The following SP100 variants were observed in gnomAD, a reference collection of about 807,000 sequenced individuals.
SP100 encodes the protein nuclear autoantigen Sp-100.
A neutral mutation model predicts 130.0 loss-of-function variants in SP100; 84 were observed. The ratio of observed to expected loss-of-function variants is 0.65; its 90% CI spans 0.54 to 0.77. The LOEUF is 0.77. SP100 is among the 30% of genes least tolerant of loss of function. The pLI is 0.00. For missense variants in SP100, 978 were observed against 1,052.2 expected, an observed-to-expected ratio of 0.93 and a Z score of 0.97; for synonymous variants, 331 against 351.7, an observed-to-expected ratio of 0.94 and a Z score of 0.66.
chr2:230,427,286 C>T (rs753361926), intron 2 of SP100, among the ~76,000 whole-genome samples: 18 of 151,938 alleles, frequency 1.2e-4, no homozygotes, highest in Non-Finnish European at 2.4e-4. Flanking sequence ...CTCAGCCTCC[C>T]GAGTAGCTGG....
intron 24 of SP100, among the ~76,000 whole-genome samples, chr2:230,513,136 G>A (rs918478173): frequency 5.9e-5 from 9 of 152,208 alleles, no homozygotes; most frequent in Admixed American, 2.6e-4. Context: ...CCTTATCCCG[G>A]AAGTTGGAAA....
intron 24 of SP100, among the ~76,000 whole-genome samples, chr2:230,517,850 TA>T (rs2150092723): frequency 6.6e-6 from 1 of 152,292 alleles, no homozygotes; most frequent in African/African-American, 2.4e-5. Flanking sequence ...AGCAATATTT[TA>T]AGCAAACTTT....
At chr2:230,445,251 C>G (rs56372741) in intron 4 of SP100, among the ~76,000 whole-genome samples, 24,665 of 152,058 alleles carry the variant, frequency 0.16, 2,110 homozygotes, top group Non-Finnish European at 0.19. Context: ...TTTATTCCCA[C>G]ACAGTTTAAT....
At position 230,470,001 on chromosome 2, in the gene SP100, A is replaced by T; in HGVS notation, c.1346-14A>T. The T allele has an allele frequency of 6.2e-7, 1 of 1,608,144 alleles. No individual in the cohort carries two copies. The highest frequency in any genetic ancestry group is 1.3e-5 in the African/African-American group (1 of 74,744). On this transcript the variant is annotated splice_polypyrimidine_tract_variant and intron_variant, in intron 14 of 28. Coordinates refer to ENST00000340126, the MANE Select transcript of SP100 (RefSeq NM_001080391.2). Reference sequence around the variant, plus strand: ...CAGACTAAGACTGTTAAGGAATTTTATTTTTTTCTGCAGGTTTCAGCAGTA... The same window carrying T: ...CAGACTAAGACTGTTAAGGAATTTTTTTTTTTTCTGCAGGTTTCAGCAGTA...
chr2:230,497,851 T>A (rs1269206827), intron 18 of SP100, among the ~76,000 whole-genome samples: 1 of 152,222 alleles, frequency 6.6e-6, no homozygotes, highest in Non-Finnish European at 1.5e-5. Context: ...GCCAAACCTA[T>A]GTGAATAAGG....
chr2:230,430,901 C>G (rs1200682002), intron 2 of SP100, among the ~76,000 whole-genome samples: 1 of 152,238 alleles, frequency 6.6e-6, no homozygotes. Context: ...GGCAGGGTGG[C>G]TGGCTTGATT....
At chr2:230,431,297 C>T (rs527994268) in intron 2 of SP100, among the ~76,000 whole-genome samples, 29 of 152,324 alleles carry the variant, frequency 1.9e-4, no homozygotes, top group African/African-American at 6.5e-4. Flanking sequence ...AAGAAGCAGC[C>T]CAGAATGCCA....
At chr2:230,504,348 A>G in intron 21 of SP100, 58 bp downstream of exon 21, 1 of 1,019,148 alleles carries the variant, frequency 9.8e-7, no homozygotes, top group Non-Finnish European at 1.5e-6. Context: ...CAGATAGCAT[A>G]CTGTTTAGGA....
Position 230,542,938 on chromosome 2 carries a change from T to A in SP100, c.2650T>A (p.Phe884Ile), listed in dbSNP as rs1692235226. The change falls in exon 29 of 29, where the codon TTT becomes ATT. Residue 884 changes from phenylalanine (F) to isoleucine (I), a missense_variant. Physicochemically the swap from Phe to Ile is conservative, Grantham distance 21 (BLOSUM62 0). Transcript: ENST00000340126. Reference sequence around the variant, plus strand: ...GGAAACAAGCAAGAACATTATAATGTTTATTTAGCCATTCTTATCTCCTCC... The same window carrying A: ...GGAAACAAGCAAGAACATTATAATGATTATTTAGCCATTCTTATCTCCTCC... ...IQETSKNIIM[F>I]I The A allele has an allele frequency of 6.4e-7, 1 of 1,567,566 alleles. No homozygotes were observed. The highest frequency in any genetic ancestry group is 1.3e-5 in the African/African-American group (1 of 74,216).
chr2:230,544,140 ACTCAAG>A lies in SP100; in HGVS notation c.*1195_*1200del, dbSNP rs962055747. 8 of 152,362 alleles carry A rather than the reference ACTCAAG, an allele frequency of 5.3e-5. No homozygotes were observed. The highest frequency in any genetic ancestry group is 1.9e-4 in the African/African-American group (8 of 41,586). The allele number at this position is 152,362 out of a possible 1,614,324, so 9.4% of individuals were successfully genotyped here. On this transcript the variant is annotated 3_prime_UTR_variant, in exon 29 of 29. Coordinates refer to ENST00000340126, the MANE Select transcript of SP100 (RefSeq NM_001080391.2). ...TTCCTTACACCATATACAAAAATCA[ACTCAAG>A]ATCAATTAAAGACTTAATGTAAAAT...
chr2:230,444,014 A>G (rs1327634969), intron 3 of SP100, among the ~76,000 whole-genome samples, 164 bp from the exon 4 acceptor site: 3 of 152,214 alleles, frequency 2.0e-5, no homozygotes, highest in African/African-American at 7.2e-5. Context: ...CAAGGGACTT[A>G]CTTCTTTCAT....
chr2:230,528,172 AT>A (rs748471888), intron 24 of SP100, among the ~76,000 whole-genome samples: 206 of 152,274 alleles, frequency 1.4e-3, no homozygotes, highest in Non-Finnish European at 2.7e-3. Context: ...TGACCACGTA[AT>A]TTGTAGTAAA....
chr2:230,469,197 T>C, intron 14 of SP100, 101 bp downstream of exon 14: 1 of 766,632 alleles, frequency 1.3e-6, no homozygotes, highest in Non-Finnish European at 2.1e-6. Context: ...AAAATTAATT[T>C]GTTGGGATTT....
chr2:230,506,187 A>G (rs1231136147), intron 21 of SP100, 116 bp from the exon 22 acceptor site: 6 of 1,053,022 alleles, frequency 5.7e-6, no homozygotes, highest in Non-Finnish European at 8.4e-6. Flanking sequence ...AGGAAAATTC[A>G]GACTTTACTG....
rs1691438760 is a variant in SP100, at chr2:230,526,578, G to A, written c.2095-12689G>A. On this transcript the variant is annotated intron_variant, in intron 24 of 28. Coordinates refer to ENST00000340126, the MANE Select transcript of SP100 (RefSeq NM_001080391.2). ...GGAGAATGAGTTTGACAAGTTCACA[G>A]AAGTAGGCTTCAGAAGGTCAGTAAT... Among the ~76,000 whole-genome samples, 3 of 152,176 alleles carry A rather than the reference G, an allele frequency of 2.0e-5. No homozygotes were observed. The South Asian group carries it at 6.2e-4, about 32-fold the overall frequency.
Position 230,446,819 on chromosome 2 carries a change from TA to T in SP100, c.442del (p.Ile148SerfsTer23). On this transcript the variant is annotated frameshift_variant and splice_region_variant, in exon 5 of 29. Transcript: ENST00000340126. LOFTEE classifies it high-confidence loss of function. The part of the protein sequence containing the change: ...LIHIYKGFEN[V>X]IHDKLPLQES... ...GCTTCTTCTCTCTCCCACTCTTCAGTAATCCATGACAAATTGCCTCTCCAAG... is the reference window on the plus strand; with the variant it reads ...GCTTCTTCTCTCTCCCACTCTTCAGTATCCATGACAAATTGCCTCTCCAAG... The T allele has an allele frequency of 6.3e-7, 1 of 1,596,372 alleles. No individual in the cohort carries two copies. Among genetic ancestry groups the T allele is most frequent in the Non-Finnish European group, 8.6e-7 (1 of 1,164,460 alleles).
rs147068434 is a variant in SP100 at position 230,487,510 on chromosome 2, T to C, written c.1601-6906T>C. On this transcript the variant is annotated intron_variant, in intron 17 of 28. Coordinates refer to ENST00000340126, the MANE Select transcript of SP100 (RefSeq NM_001080391.2). ...TATGCGGTGTTATTTCTGAGGTCTC[T>C]GTTCTGTTCCATTGGTCTATATGTC... Among the ~76,000 whole-genome samples, 21 of 152,336 alleles carry C rather than the reference T, an allele frequency of 1.4e-4. No homozygotes were observed. In the East Asian group the frequency reaches 3.5e-3, roughly 25 times the overall value.
At chr2:230,446,770 C>T in intron 4 of SP100, 49 bp from the exon 5 acceptor site, 1 of 1,177,034 alleles carries the variant, frequency 8.5e-7, no homozygotes, top group Non-Finnish European at 1.3e-6. Flanking sequence ...AGACATTGTC[C>T]CTGGTCCCTG....
At chr2:230,522,566 G>A (rs1414493926) in intron 24 of SP100, among the ~76,000 whole-genome samples, 1 of 133,854 alleles carries the variant, frequency 7.5e-6, no homozygotes, top group East Asian at 2.2e-4. Context: ...TCAGCTCACT[G>A]CTACCTCTGC....
Sources: allele counts gnomAD v4.1 joint callset (sites outside exome capture counted in the v4.1 genomes callset), GRCh38; gene constraint gnomAD v4.1.1; transcripts MANE v1.5; gene names NCBI Gene and HGNC (gene_info 2026-07-23, HGNC 2026-07-21).